The following ARHGEF38 variants were observed in gnomAD, a reference collection of about 807,000 sequenced individuals.
ARHGEF38 encodes the protein Rho guanine nucleotide exchange factor (GEF) 38.
A neutral mutation model predicts 79.9 loss-of-function variants in ARHGEF38; 79 were observed. That is an observed-to-expected ratio of 0.99 (90% CI 0.82 to 1.19). The LOEUF (loss-of-function observed/expected upper bound fraction) is 1.19, where lower values mean the gene tolerates loss of function less well. Ranked by LOEUF, ARHGEF38 falls within the 50% of genes most tolerant of loss-of-function variation. The pLI is 0.00. For missense variants in ARHGEF38, 962 were observed against 907.2 expected, an observed-to-expected ratio of 1.06 and a Z score of -0.78; for synonymous variants, 366 against 328.3, an observed-to-expected ratio of 1.11 and a Z score of -1.24.
intron 1 of ARHGEF38, among the ~76,000 whole-genome samples, chr4:105,556,263 C>T (rs1366492949): frequency 5.3e-5 from 8 of 152,170 alleles, no homozygotes; most frequent in Non-Finnish European, 1.0e-4. Flanking sequence ...CAATGAACAG[C>T]AAAAACAGAA....
intron 4 of ARHGEF38, among the ~76,000 whole-genome samples, chr4:105,634,554 G>A (rs1729324390): frequency 6.6e-6 from 1 of 152,114 alleles, no homozygotes; most frequent in Non-Finnish European, 1.5e-5. Context: ...TGAGGAATGT[G>A]AAAGATAGCG....
At chr4:105,632,862 A>T (rs1475987564) in intron 4 of ARHGEF38, 2 of 152,450 alleles carry the variant, frequency 1.3e-5, no homozygotes, top group African/African-American at 4.8e-5. Context: ...AGGAAAGAAC[A>T]TCAGTTTACT....
chr4:105,581,005 G>A (rs1456074735), intron 1 of ARHGEF38, among the ~76,000 whole-genome samples: 1 of 152,082 alleles, frequency 6.6e-6, no homozygotes, highest in Non-Finnish European at 1.5e-5. Flanking sequence ...GGAGAGTTCT[G>A]TAGAGGTCTA....
intron 13 of ARHGEF38, among the ~76,000 whole-genome samples, chr4:105,668,614 AT>A (rs1246839389): frequency 6.6e-6 from 1 of 152,016 alleles, no homozygotes; most frequent in Non-Finnish European, 1.5e-5. Context: ...TGTTCTATTA[AT>A]AATTTATTTA....
At chr4:105,642,684 G>A (rs1459488469) in intron 5 of ARHGEF38, among the ~76,000 whole-genome samples, 3 of 152,178 alleles carry the variant, frequency 2.0e-5, no homozygotes, top group Admixed American at 6.5e-5. Context: ...TCTCCAGGAT[G>A]ATGGGAGGGG....
At chr4:105,656,042 T>C (rs927638021) in intron 9 of ARHGEF38, among the ~76,000 whole-genome samples, 4 of 152,148 alleles carry the variant, frequency 2.6e-5, no homozygotes, top group African/African-American at 9.7e-5. Context: ...GTTAGAAAGC[T>C]TTGCTTTTCT....
chr4:105,622,352 T>A (rs141534878), intron 3 of ARHGEF38, among the ~76,000 whole-genome samples: 67 of 152,276 alleles, frequency 4.4e-4, no homozygotes, highest in Non-Finnish European at 7.5e-4. Flanking sequence ...TAAGAGTCTG[T>A]GAGTTCCTGA....
intron 2 of ARHGEF38, among the ~76,000 whole-genome samples, chr4:105,607,593 G>T (rs1728106800): frequency 1.3e-5 from 2 of 152,024 alleles, no homozygotes; most frequent in African/African-American, 4.8e-5. Flanking sequence ...GAATAGAATG[G>T]GCTTCCATAT....
intron 7 of ARHGEF38, among the ~76,000 whole-genome samples, chr4:105,651,835 A>G (rs945655937): frequency 7.9e-5 from 12 of 152,296 alleles, no homozygotes; most frequent in South Asian, 6.2e-4. Context: ...CTCTGTTTTA[A>G]GAGTCCTGAG....
intron 5 of ARHGEF38, among the ~76,000 whole-genome samples, chr4:105,644,276 A>C (rs1191776649): frequency 6.6e-6 from 1 of 152,234 alleles, no homozygotes; most frequent in Non-Finnish European, 1.5e-5. Flanking sequence ...ATACTTTAAA[A>C]AATTATTGAA....
intron 10 of ARHGEF38, among the ~76,000 whole-genome samples, chr4:105,662,994 A>T (rs1172008859): frequency 6.6e-6 from 1 of 152,178 alleles, no homozygotes; most frequent in Non-Finnish European, 1.5e-5. Context: ...TCCTCATTAA[A>T]ATGATTTTAT....
At chr4:105,599,196 A>G (rs1727715854) in intron 2 of ARHGEF38, among the ~76,000 whole-genome samples, 1 of 152,202 alleles carries the variant, frequency 6.6e-6, no homozygotes, top group African/African-American at 2.4e-5. Context: ...AAAATGAGGC[A>G]TTCATTTTTA....
chr4:105,668,376 G>C (rs1341409962), intron 13 of ARHGEF38, among the ~76,000 whole-genome samples: 1 of 151,742 alleles, frequency 6.6e-6, no homozygotes, highest in Non-Finnish European at 1.5e-5. Flanking sequence ...GAGTTTAGTA[G>C]GGTTTCACCA....
In ARHGEF38 at chr4:105,659,233, C is replaced by A; in HGVS notation, c.1413C>A (p.Ala471=). The change falls in exon 10 of 14, where the codon GCC becomes GCA. Residue 471 remains alanine, a synonymous_variant. Coordinates refer to ENST00000420470, the MANE Select transcript of ARHGEF38 (RefSeq NM_001242729.2). ...LAKKEYEALN[A]QLVEELQAFN... ...AAAAGGAGTATGAGGCCCTCAACGC[C>A]CAGCTTGTGGAGGAGCTCCAGGCAT... The A allele has an allele frequency of 6.5e-7, 1 of 1,536,120 alleles. No individual in the cohort carries two copies. Among genetic ancestry groups the A allele is most frequent in the Non-Finnish European group, 8.7e-7 (1 of 1,146,862 alleles).
intron 3 of ARHGEF38, among the ~76,000 whole-genome samples, chr4:105,626,706 C>G (rs1728962139): frequency 6.6e-6 from 1 of 152,040 alleles, no homozygotes; most frequent in Non-Finnish European, 1.5e-5. Context: ...CGAATAACTA[C>G]CAGAATAGCT....
intron 5 of ARHGEF38, 115 bp from the exon 6 acceptor site, chr4:105,645,073 A>T (rs1421811698): frequency 2.6e-5 from 22 of 853,566 alleles, no homozygotes; most frequent in Non-Finnish European, 2.7e-5. Flanking sequence ...AATTTTAGAT[A>T]TACAAATGAA....
intron 13 of ARHGEF38, among the ~76,000 whole-genome samples, chr4:105,677,259 G>C (rs1469951164): frequency 6.6e-6 from 1 of 152,062 alleles, no homozygotes; most frequent in African/African-American, 2.4e-5. Context: ...CACCGCGCCC[G>C]GCCTGCACCG....
intron 1 of ARHGEF38, among the ~76,000 whole-genome samples, chr4:105,557,929 C>T (rs1725328317): frequency 6.6e-6 from 1 of 152,094 alleles, no homozygotes; most frequent in Admixed American, 6.6e-5. Context: ...TTATCCAACA[C>T]CAGGTGAAAA....
intron 2 of ARHGEF38, among the ~76,000 whole-genome samples, chr4:105,594,324 T>A (rs17035893): frequency 0.096 from 14,654 of 152,226 alleles, 748 homozygotes; most frequent in African/African-American, 0.12. Context: ...ACTTCCCTTC[T>A]GGACATTTAA....
Sources: gnomAD v4.1 joint callset for allele counts (sites outside exome capture counted in the v4.1 genomes callset) on GRCh38, gnomAD v4.1.1 for gene constraint, MANE v1.5 for transcripts, NCBI Gene and HGNC (gene_info 2026-07-23, HGNC 2026-07-21) for gene names.